Variants in TANC2 observed in about 807,000 individuals in gnomAD.
TANC2 encodes tetratricopeptide repeat, ankyrin repeat and coiled-coil containing 2, also known as protein TANC2.
In TANC2, 26 loss-of-function variants were observed where a neutral mutation model predicts 210.5. The observed-to-expected ratio is 0.12, with a 90% CI of 0.09 to 0.17. The LOEUF is 0.17. Ranked by LOEUF, TANC2 falls within the 10% of genes least tolerant of loss-of-function variation. The pLI is 1.00. For missense variants in TANC2, 2,129 were observed against 2,608.9 expected (o/e 0.82, Z 4.01); for synonymous variants, 931 against 967.1 (o/e 0.96, Z 0.69).
intron 15 of TANC2, among the ~76,000 whole-genome samples, chr17:63,380,453 T>C (rs925824747): frequency 6.6e-6 from 1 of 152,254 alleles, no homozygotes; most frequent in Non-Finnish European, 1.5e-5. Context: ...CATCACTTAC[T>C]GAGGCATTAA....
At chr17:63,284,924 A>G (rs1163577176) in intron 9 of TANC2, among the ~76,000 whole-genome samples, 4 of 151,908 alleles carry the variant, frequency 2.6e-5, no homozygotes, top group African/African-American at 9.7e-5. Context: ...TAGAGCGTGT[A>G]TTTAGGACTG....
At chr17:63,052,633 A>G (rs1414869126) in intron 2 of TANC2, among the ~76,000 whole-genome samples, 3 of 152,218 alleles carry the variant, frequency 2.0e-5, no homozygotes, top group South Asian at 2.1e-4. Context: ...GTTAACTTAT[A>G]TCCTATGGTT....
At position 63,371,222 on chromosome 17, in the gene TANC2, T is replaced by C. The variant is rs534084082; in HGVS notation, c.2583-8496T>C. The stretch of plus-strand genomic sequence containing the variant: ...GCTCACGCCTGTAATCCCAGCACTT[T>C]GGGAGGCCGAGGCAGGTGGATCACC... On this transcript the variant is annotated intron_variant, in intron 14 of 27. Coordinates refer to ENST00000689528, the Ensembl canonical transcript of TANC2. Among the ~76,000 whole-genome samples the C allele has an allele frequency of 1.2e-4, 18 of 152,240 alleles. No homozygotes were observed. The East Asian group carries it at 3.3e-3, about 28-fold the overall frequency.
intron 7 of TANC2, among the ~76,000 whole-genome samples, chr17:63,213,796 TATG>T (rs369265248): frequency 6.6e-6 from 1 of 152,204 alleles, no homozygotes; most frequent in East Asian, 1.9e-4. Flanking sequence ...GCTGAAATAA[TATG>T]ATAACTTAAT....
chr17:63,239,600 G>A (rs77452409), intron 8 of TANC2, among the ~76,000 whole-genome samples: 3,190 of 152,228 alleles, frequency 0.021, 103 homozygotes, highest in African/African-American at 0.071. Context: ...AATATTAATT[G>A]TTAAAGATTA....
At chr17:63,406,351 G>C in intron 21 of TANC2, 74 bp downstream of exon 21, 1 of 1,583,032 alleles carries the variant, frequency 6.3e-7, no homozygotes, top group Non-Finnish European at 8.6e-7. Flanking sequence ...TCCAGCAATG[G>C]ATCCCAGGAG....
At chr17:63,333,554 G>C (rs756173567) in intron 11 of TANC2, among the ~76,000 whole-genome samples, 4 of 152,206 alleles carry the variant, frequency 2.6e-5, no homozygotes, top group Admixed American at 1.3e-4. Flanking sequence ...TAAAGATGCT[G>C]TGAGCATTGT....
chr17:63,379,342 C>A (rs1172391048), intron 14 of TANC2, among the ~76,000 whole-genome samples: 2 of 152,114 alleles, frequency 1.3e-5, no homozygotes, highest in African/African-American at 4.8e-5. Flanking sequence ...TATGACTGGA[C>A]CTGAAGAGTC....
At chr17:63,198,826 A>G (rs992684320) in intron 6 of TANC2, among the ~76,000 whole-genome samples, 2 of 152,218 alleles carry the variant, frequency 1.3e-5, no homozygotes, top group African/African-American at 4.8e-5. Flanking sequence ...GCATCATATT[A>G]TAAAAATAGA....
At chr17:63,009,427 G>A (rs2033768516) in intron 1 of TANC2, 110 bp from the exon 2 acceptor site, 1 of 677,084 alleles carries the variant, frequency 1.5e-6, no homozygotes, top group Admixed American at 2.7e-5. Context: ...AAACAGTCCA[G>A]TTGTACCCTT....
chr17:63,395,791 C>A, exon 18 of TANC2: 1 of 1,613,608 alleles, frequency 6.2e-7, no homozygotes, highest in Non-Finnish European at 8.5e-7. Context: ...TCATGCTGCA[C>A]TCCGAGGTCA....
At chr17:63,181,359 AC>A (rs1294002807) in intron 5 of TANC2, among the ~76,000 whole-genome samples, 2 of 152,162 alleles carry the variant, frequency 1.3e-5, no homozygotes, top group African/African-American at 4.8e-5. Context: ...AGGTAGATGA[AC>A]CTGAGTGGTA....
intron 2 of TANC2, among the ~76,000 whole-genome samples, chr17:63,035,339 CAT>C (rs2034929160): frequency 6.6e-6 from 1 of 152,196 alleles, no homozygotes; most frequent in African/African-American, 2.4e-5. Context: ...GTATCATAAA[CAT>C]AACTTTTGTC....
intron 2 of TANC2, among the ~76,000 whole-genome samples, chr17:63,024,879 C>T (rs2034487569): frequency 6.6e-6 from 1 of 152,170 alleles, no homozygotes; most frequent in Admixed American, 6.5e-5. Flanking sequence ...GACCTGGAAA[C>T]TGTCTTTTCT....
chr17:63,102,314 T>TA (rs913774200), intron 4 of TANC2, among the ~76,000 whole-genome samples: 2 of 149,592 alleles, frequency 1.3e-5, no homozygotes, highest in African/African-American at 2.5e-5. Flanking sequence ...ACCCTGCCAC[T>TA]AAAAAAAATA....
intron 8 of TANC2, among the ~76,000 whole-genome samples, chr17:63,244,734 C>T (rs1439851385): frequency 6.6e-6 from 1 of 152,204 alleles, no homozygotes; most frequent in Non-Finnish European, 1.5e-5. Context: ...TATGATTTGG[C>T]TGTGTCCCCA....
intron 2 of TANC2, among the ~76,000 whole-genome samples, chr17:63,019,065 A>AGT (rs2034238757): frequency 6.6e-6 from 1 of 152,156 alleles, no homozygotes; most frequent in African/African-American, 2.4e-5. Flanking sequence ...AATGTCCGGG[A>AGT]GTGCAATTGC....
chr17:63,377,401 TA>T (rs2047458883), intron 14 of TANC2, among the ~76,000 whole-genome samples: 1 of 152,208 alleles, frequency 6.6e-6, no homozygotes, highest in African/African-American at 2.4e-5. Flanking sequence ...TTTCTTCCAC[TA>T]GATACCCTAA....
Position 63,420,037 on chromosome 17 carries a change from T to A in TANC2, c.4307T>A (p.Ile1436Asn). ...GCCTTAGAGGACCTGAACGAGGCCA[T>A]CAAGCTGTGTCCCAACAACCGTGAG... The change falls in exon 28 of 28, where the codon ATC becomes AAC. Residue 1436 changes from isoleucine (I) to asparagine (N), a missense_variant. Transcript: ENST00000689528. The surrounding 1 kb of genome is among the most constrained non-coding windows in gnomAD (Gnocchi z 4.2). 1 of 1,551,542 alleles carries A rather than the reference T, an allele frequency of 6.4e-7. No individual in the cohort carries two copies.
Sources: gnomAD v4.1 joint callset for allele counts (sites outside exome capture counted in the v4.1 genomes callset) on GRCh38, gnomAD v4.1.1 for gene constraint, Gnocchi (gnomAD v3.1) non-coding constraint, MANE v1.5 for transcripts, NCBI Gene and HGNC (gene_info 2026-07-23, HGNC 2026-07-21) for gene names.